RCAN1: variants seen among roughly 807,000 people sequenced by gnomAD.
The protein encoded by RCAN1 is calcipressin-1.
Under a neutral mutation model 22.9 loss-of-function variants are expected in RCAN1, and 11 were observed. That is an observed-to-expected ratio of 0.48 (90% CI 0.30 to 0.79). The LOEUF (loss-of-function observed/expected upper bound fraction) is 0.79, where lower values mean the gene tolerates loss of function less well. RCAN1 is among the 30% of genes least tolerant of loss of function. RCAN1 has a pLI of 0.06. For synonymous variants in RCAN1, 136 were observed against 142.3 expected (o/e 0.96, Z 0.32); for missense variants, 291 against 337.8 (o/e 0.86, Z 1.09).
chr21:34,521,865 C>G, intron 2 of RCAN1: 2 of 557,784 alleles, frequency 3.6e-6, no homozygotes, highest in Admixed American at 6.6e-5. Flanking sequence ...AGGATGACAG[C>G]CCCCTCCCAG....
intron 3 of RCAN1, among the ~76,000 whole-genome samples, chr21:34,520,399 C>T (rs1984418737): frequency 6.6e-6 from 1 of 152,194 alleles, no homozygotes; most frequent in African/African-American, 2.4e-5. Flanking sequence ...GGGGGGAGCA[C>T]ACGCTTCCTC....
At chr21:34,591,141 C>T (rs367869098) in intron 1 of RCAN1, among the ~76,000 whole-genome samples, 1 of 152,184 alleles carries the variant, frequency 6.6e-6, no homozygotes, top group East Asian at 1.9e-4. Flanking sequence ...ATGCTAAATA[C>T]GTATTTATGC....
At chr21:34,519,397 C>CTTTTTTTTTTTTTTTTTTTTTTTTTTT (rs34152667) in intron 3 of RCAN1, among the ~76,000 whole-genome samples, 1 of 102,786 alleles carries the variant, frequency 9.7e-6, no homozygotes, top group South Asian at 3.5e-4. Context: ...TTCTTTCTTT[C>CTTTTTTTTTTTTTTTTTTTTTTTTTTT]TTTTTTTTTT....
At chr21:34,527,028 T>C (rs1985109241) in intron 1 of RCAN1, 2 of 1,155,804 alleles carry the variant, frequency 1.7e-6, no homozygotes, top group Non-Finnish European at 2.2e-6. Context: ...TTCCCTATGC[T>C]AATTAACTTT....
chr21:34,546,497 T>C (rs571419283), intron 1 of RCAN1, among the ~76,000 whole-genome samples: 1 of 152,222 alleles, frequency 6.6e-6, no homozygotes, highest in Admixed American at 6.5e-5. Context: ...TGTTAACACG[T>C]TGTTAACAGG....
intron 1 of RCAN1, among the ~76,000 whole-genome samples, chr21:34,579,255 G>A (rs184679667): frequency 1.9e-4 from 29 of 152,260 alleles, no homozygotes; most frequent in African/African-American, 7.0e-4. Context: ...AATTAGCCAG[G>A]TACGGTGGTG....
At chr21:34,528,306 T>C (rs968302333) in intron 1 of RCAN1, among the ~76,000 whole-genome samples, 1 of 152,154 alleles carries the variant, frequency 6.6e-6, no homozygotes, top group African/African-American at 2.4e-5. Context: ...TTTGGATGAG[T>C]GAGTGTTGCT....
Position 34,518,134 on chromosome 21 carries a change from T to C in RCAN1, c.709A>G (p.Lys237Glu), listed in dbSNP as rs146640044. 5.6e-6 allele frequency: 9 copies of C among 1,614,094 alleles called. No individual in the cohort carries two copies. The highest frequency in any genetic ancestry group is 1.3e-5 in the African/African-American group (1 of 74,934). Residue 237 changes from lysine to glutamate, a missense_variant, in exon 4 of 4, where the codon AAA becomes GAA. By Grantham distance (56) the Lys-to-Glu change is moderately conservative (BLOSUM62 1). Transcript: ENST00000313806. This position sits in a 1 kb window ranked among gnomAD's most constrained non-coding sequence, Gnocchi z 4.2. ...EMERMRRPKP[K>E]IIQTRRPEYT... ...TCCGGCCTCCTGGTCTGGATAATTT[T>C]TGGCTTAGGTCTCCTCATTCTTTCC...
intron 1 of RCAN1, among the ~76,000 whole-genome samples, chr21:34,567,355 G>T (rs906096669): frequency 6.6e-6 from 1 of 152,090 alleles, no homozygotes; most frequent in African/African-American, 2.4e-5. Flanking sequence ...AATTAGCCGA[G>T]CGTGGGGGGC....
At chr21:34,543,723 T>C (rs1986014582) in intron 1 of RCAN1, among the ~76,000 whole-genome samples, 1 of 152,218 alleles carries the variant, frequency 6.6e-6, no homozygotes, top group African/African-American at 2.4e-5. Context: ...TCTCCTGACT[T>C]AGGCTTCGAG....
intron 1 of RCAN1, among the ~76,000 whole-genome samples, chr21:34,527,530 A>C (rs1985140122): frequency 6.6e-6 from 1 of 152,180 alleles, no homozygotes; most frequent in South Asian, 2.1e-4. Context: ...CAATCCTAGG[A>C]TTTTCATTTG....
In RCAN1 at chr21:34,614,589, G is replaced by T; in HGVS notation, c.252+171C>A. On this transcript the variant is annotated intron_variant, in intron 1 of 3. Coordinates refer to ENST00000313806, the MANE Select transcript of RCAN1 (RefSeq NM_004414.7). This position sits in a 1 kb window ranked among gnomAD's most constrained non-coding sequence, Gnocchi z 6.0. ...GGTGCTAGGGGACCGGGACCCTCGG[G>T]GCGCCGTCCCCACGCCCCAGCCCTG... 1 of 1,004,626 alleles carries T rather than the reference G, an allele frequency of 1.0e-6. No individual in the cohort carries two copies. Among genetic ancestry groups the T allele is most frequent in the Non-Finnish European group, 1.2e-6 (1 of 815,662 alleles). The allele number at this position is 1,004,626 out of a possible 1,614,324, so 62.2% of individuals were successfully genotyped here. A position where few individuals can be genotyped will look rare whatever the true frequency, so the allele number is the denominator to read the frequency against.
chr21:34,583,686 G>C (rs867442337), intron 1 of RCAN1, among the ~76,000 whole-genome samples: 16 of 152,166 alleles, frequency 1.1e-4, no homozygotes, highest in African/African-American at 2.7e-4. Flanking sequence ...CTCCAGAACT[G>C]TGAGAGAAAA....
chr21:34,582,041 G>T (rs1987629689), intron 1 of RCAN1, among the ~76,000 whole-genome samples: 1 of 152,114 alleles, frequency 6.6e-6, no homozygotes, highest in African/African-American at 2.4e-5. Context: ...ACGAGGTAGG[G>T]GAAGATGCAA....
At chr21:34,532,882 C>A (rs990840978) in intron 1 of RCAN1, among the ~76,000 whole-genome samples, 1 of 152,188 alleles carries the variant, frequency 6.6e-6, no homozygotes, top group Non-Finnish European at 1.5e-5. Context: ...TCCAACCCCC[C>A]ACTGCCCACC....
At chr21:34,601,817 C>CAAA (rs202036960) in intron 1 of RCAN1, among the ~76,000 whole-genome samples, 34 of 83,330 alleles carry the variant, frequency 4.1e-4, no homozygotes, top group Non-Finnish European at 5.9e-4. Flanking sequence ...GACTCTGTCT[C>CAAA]AAAAAAAAAA....
chr21:34,605,921 G>C (rs8129062), intron 1 of RCAN1, among the ~76,000 whole-genome samples: 1 of 10,126 alleles, frequency 9.9e-5, no homozygotes, highest in Non-Finnish European at 2.1e-4. Flanking sequence ...CTCGGTCTCA[G>C]AAAAAAAAAA....
intron 1 of RCAN1, among the ~76,000 whole-genome samples, chr21:34,574,552 T>A (rs946097422): frequency 6.6e-6 from 1 of 152,074 alleles, no homozygotes; most frequent in African/African-American, 2.4e-5. Context: ...CAGTCCAGAA[T>A]AGGAAACGTG....
intron 1 of RCAN1, among the ~76,000 whole-genome samples, chr21:34,566,736 C>T (rs527603489): frequency 7.9e-5 from 12 of 152,250 alleles, no homozygotes; most frequent in East Asian, 5.8e-4. Flanking sequence ...TGTACAAGCA[C>T]GCACCAGCTC....
Sources: allele counts gnomAD v4.1 joint callset (sites outside exome capture counted in the v4.1 genomes callset), GRCh38; gene constraint gnomAD v4.1.1; non-coding constraint Gnocchi (gnomAD v3.1); transcripts MANE v1.5; gene names NCBI Gene and HGNC (gene_info 2026-07-23, HGNC 2026-07-21).